Variants in LRRTM4 observed in about 807,000 individuals in gnomAD.
LRRTM4 encodes leucine rich repeat transmembrane neuronal 4.
A neutral mutation model predicts 47.6 loss-of-function variants in LRRTM4; 25 were observed. The observed-to-expected ratio is 0.53, with a 90% CI of 0.38 to 0.73. The LOEUF (loss-of-function observed/expected upper bound fraction) is 0.73, where lower values mean the gene tolerates loss of function less well. Among genes scored for constraint, LRRTM4 ranks in the 30% least tolerant of loss-of-function variants. The probability of loss-of-function intolerance (pLI) is 0.00; values close to 1 mark genes in which losing one functional copy is unlikely to be tolerated. For synonymous variants in LRRTM4, 311 were observed against 269.5 expected (o/e 1.15, Z -1.51); for missense variants, 638 against 713.4 (o/e 0.89, Z 1.20).
chr2:76,896,574 G>A (rs948662730), intron 3 of LRRTM4, among the ~76,000 whole-genome samples: 1 of 151,748 alleles, frequency 6.6e-6, no homozygotes, highest in African/African-American at 2.4e-5. Flanking sequence ...AAGTTTATAT[G>A]GTTCAAAGTT....
intron 3 of LRRTM4, among the ~76,000 whole-genome samples, chr2:77,131,675 TG>T (rs1382367601): frequency 1.3e-5 from 2 of 152,158 alleles, no homozygotes; most frequent in Non-Finnish European, 2.9e-5. Flanking sequence ...GGGGAAATTA[TG>T]GCTCAGGACA....
In LRRTM4 at chr2:76,927,491, G is replaced by A. The variant is rs375723809; in HGVS notation, c.1552-178575C>T. 2.2e-4 allele frequency among the ~76,000 whole-genome samples: 33 copies of A among 152,160 alleles called. No individual in the cohort carries two copies. In the East Asian group the frequency reaches 5.8e-3, roughly 27 times the overall value. On this transcript the variant is annotated intron_variant, in intron 3 of 3. Transcript: ENST00000409884. Reference sequence around the variant, plus strand: ...ATAAACAGAGACAAAAGATGGAATTGGAAAGGCTTCCTGGTAGATGTTGGT... The same window carrying A: ...ATAAACAGAGACAAAAGATGGAATTAGAAAGGCTTCCTGGTAGATGTTGGT...
chr2:77,452,967 C>T (rs1036582533), intron 3 of LRRTM4, among the ~76,000 whole-genome samples: 1 of 151,906 alleles, frequency 6.6e-6, no homozygotes, highest in African/African-American at 2.4e-5. Flanking sequence ...TCTATGTGAC[C>T]TTATATATAA....
intron 3 of LRRTM4, among the ~76,000 whole-genome samples, chr2:77,157,633 T>C (rs1002401975): frequency 1.3e-5 from 2 of 152,176 alleles, no homozygotes; most frequent in Non-Finnish European, 2.9e-5. Context: ...CATTCTGCAC[T>C]TGACTAGAAA....
At chr2:77,027,095 C>G (rs994146872) in intron 3 of LRRTM4, among the ~76,000 whole-genome samples, 17 of 152,020 alleles carry the variant, frequency 1.1e-4, no homozygotes, top group African/African-American at 3.9e-4. Context: ...CAACCCACAC[C>G]TCCCCAATGC....
intron 3 of LRRTM4, among the ~76,000 whole-genome samples, chr2:76,808,909 A>G (rs1212059454): frequency 1.3e-5 from 2 of 152,160 alleles, no homozygotes; most frequent in East Asian, 1.9e-4. Context: ...CCATTTTAGC[A>G]GAGACAGTAA....
intron 3 of LRRTM4, among the ~76,000 whole-genome samples, chr2:76,834,502 A>G (rs1431705763): frequency 2.0e-5 from 3 of 152,014 alleles, no homozygotes; most frequent in Non-Finnish European, 4.4e-5. Context: ...TCTAAGTACA[A>G]TTAGAAGTGT....
At chr2:77,014,283 T>A (rs1469711981) in intron 3 of LRRTM4, among the ~76,000 whole-genome samples, 2 of 152,120 alleles carry the variant, frequency 1.3e-5, no homozygotes, top group Admixed American at 6.6e-5. Flanking sequence ...AGCACATACA[T>A]ATTAGAATAT....
intron 3 of LRRTM4, among the ~76,000 whole-genome samples, chr2:76,778,889 T>C (rs1674186712): frequency 6.6e-6 from 1 of 151,836 alleles, no homozygotes. Context: ...CTTTCTTTTG[T>C]GGGCATTTAG....
At chr2:77,114,080 C>G (rs1671324637) in intron 3 of LRRTM4, among the ~76,000 whole-genome samples, 1 of 151,864 alleles carries the variant, frequency 6.6e-6, no homozygotes. Flanking sequence ...ACGAAGGCCC[C>G]GTGGGAGAAG....
intron 3 of LRRTM4, among the ~76,000 whole-genome samples, chr2:77,373,938 A>G (rs1429576133): frequency 6.6e-6 from 1 of 151,766 alleles, no homozygotes; most frequent in Non-Finnish European, 1.5e-5. Flanking sequence ...TATAGTGGAA[A>G]ATGAAAATGA....
intron 3 of LRRTM4, among the ~76,000 whole-genome samples, chr2:77,281,233 T>C (rs1307824023): frequency 6.6e-6 from 1 of 151,964 alleles, no homozygotes; most frequent in Admixed American, 6.6e-5. Context: ...ATAATAGGTC[T>C]TGCAAATGCC....
intron 3 of LRRTM4, among the ~76,000 whole-genome samples, chr2:76,960,484 T>G (rs892544611): frequency 1.3e-5 from 2 of 151,674 alleles, no homozygotes; most frequent in Non-Finnish European, 3.0e-5. Flanking sequence ...CATCTCTTTA[T>G]TATTTCTCTT....
intron 3 of LRRTM4, among the ~76,000 whole-genome samples, chr2:76,819,524 T>C (rs1670995954): frequency 6.6e-6 from 1 of 151,936 alleles, no homozygotes; most frequent in Admixed American, 6.6e-5. Flanking sequence ...ATGCTGTTGA[T>C]AGGTGAAGTA....
At chr2:76,979,695 GCGA>G (rs1676537909) in intron 3 of LRRTM4, among the ~76,000 whole-genome samples, 2 of 78,204 alleles carry the variant, frequency 2.6e-5, no homozygotes, top group Admixed American at 1.3e-4. Flanking sequence ...TAGAGTATAA[GCGA>G]TAGATAGATA....
chr2:76,882,890 A>T (rs571001692), intron 3 of LRRTM4, among the ~76,000 whole-genome samples: 58 of 152,120 alleles, frequency 3.8e-4, no homozygotes, highest in African/African-American at 1.4e-3. Flanking sequence ...TACTCTTCAA[A>T]CTGTCATCCT....
At chr2:77,334,521 C>G (rs1222229225) in intron 3 of LRRTM4, among the ~76,000 whole-genome samples, 1 of 152,178 alleles carries the variant, frequency 6.6e-6, no homozygotes, top group Non-Finnish European at 1.5e-5. Flanking sequence ...TGCACAAGCT[C>G]TCTCTTTGCC....
At chr2:77,379,596 T>C (rs570692896) in intron 3 of LRRTM4, among the ~76,000 whole-genome samples, 1 of 152,154 alleles carries the variant, frequency 6.6e-6, no homozygotes, top group South Asian at 2.1e-4. Context: ...ACTATCGATA[T>C]CTTTGTTAAT....
chr2:77,429,868 C>G lies in LRRTM4; in HGVS notation c.1551+88450G>C, dbSNP rs1027315709. 2.6e-5 allele frequency among the ~76,000 whole-genome samples: 4 copies of G among 152,132 alleles called. No individual in the cohort carries two copies. In the East Asian group the frequency reaches 7.7e-4, roughly 29 times the overall value. On this transcript the variant is annotated intron_variant, in intron 3 of 3. Coordinates refer to ENST00000409884, the MANE Select transcript of LRRTM4 (RefSeq NM_001134745.3). ...ATTGTTTTAAGTCAGGAGTTCGAGA[C>G]TAGCCTGACCAACATGGTGAAGCCC...
Sources: allele counts gnomAD v4.1 joint callset (sites outside exome capture counted in the v4.1 genomes callset), GRCh38; gene constraint gnomAD v4.1.1; transcripts MANE v1.5; gene names NCBI Gene and HGNC (gene_info 2026-07-23, HGNC 2026-07-21).